DIAPH3: variants seen among roughly 807,000 people sequenced by gnomAD.
DIAPH3 encodes the protein diaphanous related formin 3.
Under a neutral mutation model 144.3 loss-of-function variants are expected in DIAPH3, and 117 were observed. That is an observed-to-expected ratio of 0.81 (90% CI 0.70 to 0.95). The LOEUF (loss-of-function observed/expected upper bound fraction) is 0.95. Ranked by LOEUF, DIAPH3 falls within the 40% of genes least tolerant of loss-of-function variation. The probability of loss-of-function intolerance (pLI) is 0.00; values close to 1 mark genes in which losing one functional copy is unlikely to be tolerated. For missense variants in DIAPH3, 1,421 were observed against 1,412.7 expected, an observed-to-expected ratio of 1.01 and a Z score of -0.09; for synonymous variants, 519 against 488.9, an observed-to-expected ratio of 1.06 and a Z score of -0.81.
chr13:59,782,264 TG>T (rs2038777832), intron 25 of DIAPH3, among the ~76,000 whole-genome samples: 1 of 151,908 alleles, frequency 6.6e-6, no homozygotes, highest in Non-Finnish European at 1.5e-5. Flanking sequence ...TGAAAGACAA[TG>T]GGGTAAAGGA....
intron 9 of DIAPH3, among the ~76,000 whole-genome samples, chr13:59,995,756 A>G (rs912849834): frequency 3.3e-5 from 5 of 151,992 alleles, no homozygotes; most frequent in African/African-American, 1.2e-4. Flanking sequence ...TAAGTTGGAA[A>G]TGCCTATTAG....
chr13:59,862,241 T>C (rs953509110), intron 21 of DIAPH3, among the ~76,000 whole-genome samples: 1 of 152,096 alleles, frequency 6.6e-6, no homozygotes, highest in African/African-American at 2.4e-5. Flanking sequence ...TGTAGGGACA[T>C]GGCAAAGATA....
chr13:59,844,137 TTTA>T, intron 22 of DIAPH3, among the ~76,000 whole-genome samples: 1 of 152,304 alleles, frequency 6.6e-6, no homozygotes, highest in Non-Finnish European at 1.5e-5. Flanking sequence ...CCTTGGTGTT[TTTA>T]TTTTTTCAGC....
Position 59,705,212 on chromosome 13 carries a change from A to G in DIAPH3, c.3320-38366T>C, listed in dbSNP as rs532340495. ...CGGCAAAAAAAAATAGGGATTAAAA[A>G]CAAAATAACCACCTACTTTCTTGAC... On this transcript the variant is annotated intron_variant, in intron 27 of 27. Coordinates refer to ENST00000400324, the MANE Select transcript of DIAPH3 (RefSeq NM_001042517.2). 3.9e-5 allele frequency among the ~76,000 whole-genome samples: 6 copies of G among 152,310 alleles called. No homozygotes were observed. The South Asian group carries it at 6.2e-4, about 16-fold the overall frequency.
intron 14 of DIAPH3, among the ~76,000 whole-genome samples, chr13:59,977,735 G>A (rs935928643): frequency 5.3e-5 from 8 of 151,790 alleles, no homozygotes; most frequent in East Asian, 1.9e-4. Context: ...GGAAATGAGC[G>A]AGAGGAGTGT....
chr13:59,695,916 T>C (rs2033776095), intron 27 of DIAPH3: 1 of 152,184 alleles, frequency 6.6e-6, no homozygotes. Context: ...AAATTATTTG[T>C]TCTACCACCA....
At position 59,991,221 on chromosome 13, in the gene DIAPH3, G is replaced by A. The variant is rs202183874; in HGVS notation, c.1298C>T (p.Ala433Val). The change falls in exon 12 of 28, where the codon GCA becomes GTA. Residue 433 changes from alanine to valine, a missense_variant. Ala to Val is a moderately conservative substitution (Grantham distance 64, BLOSUM62 0). Coordinates refer to ENST00000400324, the MANE Select transcript of DIAPH3 (RefSeq NM_001042517.2). ...AAGAATAGAAATAAAATATCCCTCT[G>A]CTCTAGTTTCTTTAACTGTGCTCCA... ...MVWSTVKETR[A>V]EGYFISILQH... The A allele has an allele frequency of 3.4e-5, 55 of 1,611,286 alleles. No individual in the cohort carries two copies. Among genetic ancestry groups the A allele is most frequent in the Non-Finnish European group, 4.5e-5 (53 of 1,178,622 alleles).
intron 22 of DIAPH3, among the ~76,000 whole-genome samples, chr13:59,848,775 A>G (rs2042819961): frequency 5.0e-5 from 1 of 20,100 alleles, no homozygotes; most frequent in East Asian, 1.1e-3. Flanking sequence ...CGCAATAAAC[A>G]TACGTGTGCA....
intron 23 of DIAPH3, among the ~76,000 whole-genome samples, chr13:59,834,856 C>T (rs2041962649): frequency 6.6e-6 from 1 of 151,708 alleles, no homozygotes; most frequent in Non-Finnish European, 1.5e-5. Context: ...CCTTTACCAA[C>T]ACTGAGGCCA....
chr13:59,940,641 T>C (rs966201634), intron 17 of DIAPH3, among the ~76,000 whole-genome samples: 1 of 152,200 alleles, frequency 6.6e-6, no homozygotes, highest in African/African-American at 2.4e-5. Context: ...AAATCCTTTT[T>C]TTCCCAATTA....
At chr13:59,857,461 G>A (rs946003737) in intron 22 of DIAPH3, among the ~76,000 whole-genome samples, 2 of 152,032 alleles carry the variant, frequency 1.3e-5, no homozygotes, top group African/African-American at 4.8e-5. Flanking sequence ...AGTATTAAAT[G>A]GAAAGGATTT....
intron 21 of DIAPH3, among the ~76,000 whole-genome samples, chr13:59,877,291 T>C (rs2044692555): frequency 6.6e-6 from 1 of 152,028 alleles, no homozygotes; most frequent in Non-Finnish European, 1.5e-5. Context: ...TTTTTGACCT[T>C]TCTCTCTTCT....
At chr13:59,993,536 C>A (rs372412577) in intron 9 of DIAPH3, among the ~76,000 whole-genome samples, 1 of 151,440 alleles carries the variant, frequency 6.6e-6, no homozygotes, top group African/African-American at 2.4e-5. Context: ...TGGAGTAAGA[C>A]ACCAACAGAA....
intron 20 of DIAPH3, among the ~76,000 whole-genome samples, chr13:59,893,634 G>T (rs1299896077): frequency 6.6e-6 from 1 of 151,926 alleles, no homozygotes; most frequent in African/African-American, 2.4e-5. Flanking sequence ...TGGTCTTCTA[G>T]GGAGGCAGGG....
At chr13:59,992,382 A>G in intron 10 of DIAPH3, 91 bp downstream of exon 10, 1 of 1,197,396 alleles carries the variant, frequency 8.4e-7, no homozygotes, top group South Asian at 1.4e-5. Context: ...TCCCACAGAT[A>G]AATTATTCTT....
intron 5 of DIAPH3, among the ~76,000 whole-genome samples, chr13:60,024,266 C>T (rs1023816250): frequency 6.6e-6 from 1 of 152,122 alleles, no homozygotes; most frequent in African/African-American, 2.4e-5. Flanking sequence ...TTCCCTGAGA[C>T]TCTGTATGTA....
chr13:60,029,013 C>T (rs1594409661), intron 5 of DIAPH3, among the ~76,000 whole-genome samples: 3 of 151,092 alleles, frequency 2.0e-5, no homozygotes, highest in Admixed American at 2.0e-4. Context: ...GAGCTGAGAT[C>T]GTGCCACTGC....
chr13:59,790,277 C>G (rs1381545669), intron 25 of DIAPH3, among the ~76,000 whole-genome samples: 1 of 152,152 alleles, frequency 6.6e-6, no homozygotes, highest in Non-Finnish European at 1.5e-5. Context: ...TCTTTGATAC[C>G]TGGATTTTTA....
chr13:60,102,395 T>C (rs2058295908), intron 3 of DIAPH3, among the ~76,000 whole-genome samples: 1 of 152,236 alleles, frequency 6.6e-6, no homozygotes, highest in African/African-American at 2.4e-5. Flanking sequence ...ACTTGCTGCC[T>C]CTTTCACCGT....
Sources: allele counts gnomAD v4.1 joint callset (sites outside exome capture counted in the v4.1 genomes callset), GRCh38; gene constraint gnomAD v4.1.1; transcripts MANE v1.5; gene names NCBI Gene and HGNC (gene_info 2026-07-23, HGNC 2026-07-21).